The following HORMAD2 variants were observed in gnomAD, a reference collection of about 807,000 sequenced individuals.
The protein encoded by HORMAD2 is HORMA domain containing 2.
HORMAD2 carries 45 observed loss-of-function variants against 38.8 expected under a neutral mutation model. The ratio of observed to expected loss-of-function variants is 1.16; its 90% CI spans 0.91 to 1.49. HORMAD2 has a LOEUF of 1.49. Among genes scored for constraint, HORMAD2 ranks in the 40% most tolerant of loss-of-function variants. The pLI is 0.00. For synonymous variants in HORMAD2, 126 were observed against 122.8 expected (o/e 1.03, Z -0.17); for missense variants, 338 against 367.0 (o/e 0.92, Z 0.65).
At chr22:30,090,045 GTAT>G (rs1259652880) in intron 1 of HORMAD2, among the ~76,000 whole-genome samples, 11 of 152,170 alleles carry the variant, frequency 7.2e-5, no homozygotes, top group Non-Finnish European at 1.5e-4. Context: ...ATTGTTGCAT[GTAT>G]CAGAACTTCA....
the HORMAD2 span, among the ~76,000 whole-genome samples, chr22:30,187,537 T>TA: frequency 2.7e-5 from 4 of 148,892 alleles, no homozygotes; most frequent in Admixed American, 2.7e-4. Context: ...GTGTGTGTAT[T>TA]TTTTTCCGTT....
At chr22:30,201,933 T>G in the HORMAD2 span, among the ~76,000 whole-genome samples, 1 of 152,210 alleles carries the variant, frequency 6.6e-6, no homozygotes, top group Non-Finnish European at 1.5e-5. Flanking sequence ...ATGTTCAGCT[T>G]GGATCCAGGC....
At chr22:30,101,817 T>G (rs1920947987) in intron 3 of HORMAD2, among the ~76,000 whole-genome samples, 1 of 152,080 alleles carries the variant, frequency 6.6e-6, no homozygotes, top group South Asian at 2.1e-4. Flanking sequence ...AGTGTAACCA[T>G]AACACTTTGA....
chr22:30,163,005 T>A (rs112168584), intron 10 of HORMAD2, among the ~76,000 whole-genome samples: 2,853 of 152,276 alleles, frequency 0.019, 108 homozygotes, highest in Admixed American at 0.098. Context: ...CCTGGCGATT[T>A]GTGGACATCT....
intron 3 of HORMAD2, 108 bp downstream of exon 3, chr22:30,099,101 T>C: frequency 1.1e-6 from 1 of 927,618 alleles, no homozygotes; most frequent in South Asian, 2.5e-5. Context: ...CTTAAGGGCC[T>C]GTTCTTCAAG....
At chr22:30,123,836 T>A (rs2412972) in intron 10 of HORMAD2, among the ~76,000 whole-genome samples, 105,944 of 150,974 alleles carry the variant, frequency 0.7, 38,149 homozygotes, top group South Asian at 0.87. Flanking sequence ...ACACCCAGCT[T>A]ATTTTTTATT....
chr22:30,108,711 G>A (rs903493761), intron 5 of HORMAD2, among the ~76,000 whole-genome samples: 1 of 151,912 alleles, frequency 6.6e-6, no homozygotes, highest in African/African-American at 2.4e-5. Flanking sequence ...GTTTAACGTT[G>A]TTCTCCCCTG....
chr22:30,079,095 C>T (rs913097954), upstream of HORMAD2, among the ~76,000 whole-genome samples: 11 of 152,172 alleles, frequency 7.2e-5, no homozygotes, highest in South Asian at 2.3e-3. Flanking sequence ...GTTCTAAACT[C>T]ATGTTCTCGC....
intron 10 of HORMAD2, among the ~76,000 whole-genome samples, chr22:30,170,625 T>C (rs1926053696): frequency 6.6e-6 from 1 of 152,160 alleles, no homozygotes; most frequent in Admixed American, 6.6e-5. Context: ...TCATGTTTCA[T>C]TGTCTTTAAA....
chr22:30,142,388 A>C (rs1476461438), intron 10 of HORMAD2, among the ~76,000 whole-genome samples: 1 of 152,168 alleles, frequency 6.6e-6, no homozygotes, highest in African/African-American at 2.4e-5. Flanking sequence ...ATATATATAT[A>C]TCTGTTAGGT....
intron 10 of HORMAD2, among the ~76,000 whole-genome samples, chr22:30,141,067 G>A (rs1009835198): frequency 6.6e-6 from 1 of 151,920 alleles, no homozygotes; most frequent in Non-Finnish European, 1.5e-5. Flanking sequence ...GAATGACCTC[G>A]GCTCACTGCA....
chr22:30,154,443 G>C (rs1323257270), intron 10 of HORMAD2, among the ~76,000 whole-genome samples: 1 of 152,116 alleles, frequency 6.6e-6, no homozygotes, highest in African/African-American at 2.4e-5. Flanking sequence ...TATAGGCAAG[G>C]ATATTCTCCT....
the HORMAD2 span, among the ~76,000 whole-genome samples, chr22:30,188,881 AT>A: frequency 6.6e-6 from 1 of 152,100 alleles, no homozygotes; most frequent in Admixed American, 6.6e-5. Context: ...CATGCCTGTA[AT>A]CCCAGCACTT....
At chr22:30,112,009 A>T (rs1056100519) in intron 6 of HORMAD2, among the ~76,000 whole-genome samples, 193 bp downstream of exon 6, 1 of 152,086 alleles carries the variant, frequency 6.6e-6, no homozygotes, top group East Asian at 1.9e-4. Context: ...GGTATAATAC[A>T]TGGGAAAATG....
At chr22:30,205,003 C>T in the HORMAD2 span, among the ~76,000 whole-genome samples, 29 of 152,280 alleles carry the variant, frequency 1.9e-4, no homozygotes, top group South Asian at 5.6e-3. Context: ...GCGGCTCAAA[C>T]ATGGAAATGT....
At position 30,121,623 on chromosome 22, in the gene HORMAD2, T is replaced by TC. The variant is rs1356775232; in HGVS notation, c.411-8dup. The TC allele has an allele frequency of 6.4e-7, 1 of 1,562,578 alleles. No individual in the cohort carries two copies. The highest frequency in any genetic ancestry group is 8.6e-7 in the Non-Finnish European group (1 of 1,156,270). On this transcript the variant is annotated splice_polypyrimidine_tract_variant and intron_variant, in intron 8 of 10. Transcript: ENST00000336726. ...TATGATCAAAAAGTATGCTTTTTTT[T>TC]CTGTGTAGTCATAGCAGCAGTACAA...
intron 2 of HORMAD2, among the ~76,000 whole-genome samples, chr22:30,095,315 GA>G (rs2068762719): frequency 1.3e-5 from 2 of 152,178 alleles, no homozygotes; most frequent in Admixed American, 6.5e-5. Context: ...TTGGTAAAAT[GA>G]AAATATCTTC....
chr22:30,146,276 A>G lies in HORMAD2; in HGVS notation c.819+24062A>G, dbSNP rs56205488. On this transcript the variant is annotated intron_variant, in intron 10 of 10. Coordinates refer to ENST00000336726, the MANE Select transcript of HORMAD2 (RefSeq NM_152510.4). Reference sequence around the variant, plus strand: ...GGGAGGCTGAGGCCAGTGGATCACGAGGTCAGGAGATTGAGACCATCCTGT... The same window carrying G: ...GGGAGGCTGAGGCCAGTGGATCACGGGGTCAGGAGATTGAGACCATCCTGT... Among the ~76,000 whole-genome samples, 1,155 of 152,172 alleles carry G rather than the reference A, an allele frequency of 7.6e-3. 9 individuals are homozygous for G. Among genetic ancestry groups the G allele is most frequent in the Non-Finnish European group, 0.012 (782 of 67,992 alleles).
intron 5 of HORMAD2, among the ~76,000 whole-genome samples, chr22:30,110,486 A>G (rs1293281687): frequency 1.3e-5 from 2 of 151,020 alleles, no homozygotes; most frequent in African/African-American, 4.9e-5. Flanking sequence ...CCCAGGTTCA[A>G]GCAATTCTCC....
Sources: allele counts gnomAD v4.1 joint callset (sites outside exome capture counted in the v4.1 genomes callset), GRCh38; gene constraint gnomAD v4.1.1; transcripts MANE v1.5; gene names NCBI Gene and HGNC (gene_info 2026-07-23, HGNC 2026-07-21).